KLHL35: variants seen among roughly 807,000 people sequenced by gnomAD.
KLHL35 encodes the protein kelch like family member 35.
A neutral mutation model predicts 44.0 loss-of-function variants in KLHL35; 50 were observed. The ratio of observed to expected loss-of-function variants is 1.14; its 90% CI spans 0.91 to 1.44. KLHL35 has a LOEUF of 1.44. Among genes scored for constraint, KLHL35 ranks in the 40% most tolerant of loss-of-function variants. The probability of loss-of-function intolerance (pLI) is 0.00; values close to 1 mark genes in which losing one functional copy is unlikely to be tolerated. For synonymous variants in KLHL35, 470 were observed against 410.4 expected (o/e 1.15, Z -1.76); for missense variants, 1,049 against 887.8 (o/e 1.18, Z -2.31).
chr11:75,428,685 C>G (rs1346933228), intron 2 of KLHL35, 59 bp from the exon 3 acceptor site: 11 of 1,429,632 alleles, frequency 7.7e-6, no homozygotes, highest in Non-Finnish European at 1.0e-5. Flanking sequence ...CCCTCTCTTA[C>G]CCTCTCGACC....
At chr11:75,425,081 A>C (rs1423399100) in intron 5 of KLHL35, among the ~76,000 whole-genome samples, 1 of 151,972 alleles carries the variant, frequency 6.6e-6, no homozygotes, top group African/African-American at 2.4e-5. Context: ...CTAAATTTTC[A>C]GTAGTAAGTG....
chr11:75,428,736 T>A, intron 2 of KLHL35, 110 bp from the exon 3 acceptor site: 2 of 978,040 alleles, frequency 2.0e-6, no homozygotes, highest in Non-Finnish European at 2.9e-6. Context: ...GTTTCTGCCA[T>A]CACCCCCGCC....
intron 2 of KLHL35, 40 bp from the exon 3 acceptor site, chr11:75,428,666 CAAG>C: frequency 6.6e-7 from 1 of 1,510,308 alleles, no homozygotes; most frequent in Non-Finnish European, 8.9e-7. Context: ...GGGCCGCACC[CAAG>C]TTCGGCCCTC....
chr11:75,427,767 C>G (rs930978713), intron 3 of KLHL35, among the ~76,000 whole-genome samples: 4 of 152,204 alleles, frequency 2.6e-5, no homozygotes, highest in African/African-American at 9.7e-5. Flanking sequence ...GCCCTTGTGC[C>G]TTTGCCCATA....
chr11:75,430,604 T>G lies in KLHL35; in HGVS notation c.26A>C (p.Glu9Ala), dbSNP rs2135085753. ...CGGCGCTTCGCAGCCCGGCTCCGAC[T>G]CCTCCGGCGCATGGCCTTGCCGCAT... MRQGHAPE[E>A]SEPGCEAPCA... is the part of the protein sequence containing the mutation. Residue 9 changes from glutamate to alanine, a missense_variant, in exon 2 of 7, where the codon GAG (glutamate) becomes GCG (alanine). Coordinates refer to ENST00000539798, the MANE Select transcript of KLHL35 (RefSeq NM_001039548.3). 2 of 1,411,706 alleles carry G rather than the reference T, an allele frequency of 1.4e-6. No homozygotes were observed. The highest frequency in any genetic ancestry group is 3.0e-5 in the African/African-American group (2 of 66,512). The allele number at this position is 1,411,706 out of a possible 1,614,324, so 87.4% of individuals were successfully genotyped here. A position where few individuals can be genotyped will look rare whatever the true frequency, so the allele number is the denominator to read the frequency against.
chr11:75,430,931 G>C (rs2135086056), intron 1 of KLHL35, among the ~76,000 whole-genome samples: 1 of 152,338 alleles, frequency 6.6e-6, no homozygotes, highest in Non-Finnish European at 1.5e-5. Context: ...TCGGAGGAGG[G>C]TCTAATAAAG....
chr11:75,430,090 C>G lies in KLHL35; in HGVS notation c.540G>C (p.Gln180His), dbSNP rs567545451. 7.4e-7 allele frequency: 1 copy of G among 1,357,336 alleles called. No individual in the cohort carries two copies. Among genetic ancestry groups the G allele is most frequent in the African/African-American group, 1.5e-5 (1 of 65,016 alleles). 84.1% of individuals were successfully genotyped at this position (1,357,336 alleles called of 1,614,324 possible). Residue 180 changes from glutamine to histidine, a missense_variant, in exon 2 of 7, where the codon CAG (glutamine) becomes CAC (histidine). Physicochemically the swap from Gln to His is conservative, Grantham distance 24. Transcript: ENST00000539798. ...LAERCGRVLR[Q>H]AFAEVARHAD... is the part of the protein sequence containing the mutation. ...CGTGGCGCGCCACCTCGGCGAAGGC[C>G]TGACGCAGGACGCGGCCGCAGCGCT...
At chr11:75,428,372 A>C (rs1363297664) in intron 3 of KLHL35, 70 bp downstream of exon 3, 15 of 1,548,720 alleles carry the variant, frequency 9.7e-6, no homozygotes, top group Non-Finnish European at 1.3e-5. Flanking sequence ...TGGAGGGAAA[A>C]GCAAAGGGGG....
chr11:75,430,368 C>T lies in KLHL35; in HGVS notation c.262G>A (p.Ala88Thr). The T allele has an allele frequency of 1.5e-6, 2 of 1,348,882 alleles. No homozygotes were observed. The highest frequency in any genetic ancestry group is 1.6e-5 in the South Asian group (1 of 61,616). 83.6% of individuals were successfully genotyped at this position (1,348,882 alleles called of 1,614,324 possible). A position where few individuals can be genotyped will look rare whatever the true frequency, so the allele number is the denominator to read the frequency against. ...GGGCTCGTGCCTGGCGCCTCGGGAG[C>T]TACTGGCACCACTGGCACCACGGCC... ...GPAVVPVVPV[A>T]PEAPGTSPAG... The change falls in exon 2 of 7, where the codon GCT becomes ACT. Residue 88 changes from alanine to threonine, a missense_variant. Coordinates refer to ENST00000539798, the MANE Select transcript of KLHL35 (RefSeq NM_001039548.3).
In KLHL35 at chr11:75,429,766, C is replaced by T. The variant is rs779648386; in HGVS notation, c.864G>A (p.Leu288=). The change falls in exon 2 of 7, where the codon CTG becomes CTA. Residue 288 remains leucine (L), a synonymous_variant. Coordinates refer to ENST00000539798, the MANE Select transcript of KLHL35 (RefSeq NM_001039548.3). ...CFILGREAGA[L]RTRPRRFMDL... ...GGCCCTACCTCCGCGGCCGGGTCCG[C>T]AGCGCACCGGCCTCGCGGCCCAGGA... 83 of 1,488,960 alleles carry T rather than the reference C, an allele frequency of 5.6e-5. No homozygotes were observed. The highest frequency in any genetic ancestry group is 6.8e-5 in the Admixed American group (3 of 44,156). The allele number at this position is 1,488,960 out of a possible 1,614,324, so 92.2% of individuals were successfully genotyped here.
At chr11:75,432,804 G>A (rs1159356722) in intron 1 of KLHL35, among the ~76,000 whole-genome samples, 2 of 152,144 alleles carry the variant, frequency 1.3e-5, no homozygotes, top group Non-Finnish European at 2.9e-5. Context: ...GGCTCAATGG[G>A]TATCCTCCCT....
Position 75,422,785 on chromosome 11 carries a change from A to G in KLHL35, c.1564-17T>C. 6.2e-7 allele frequency: 1 copy of G among 1,605,116 alleles called. No homozygotes were observed. The highest frequency in any genetic ancestry group is 8.5e-7 in the Non-Finnish European group (1 of 1,172,530). On this transcript the variant is annotated splice_polypyrimidine_tract_variant and intron_variant, in intron 6 of 6. Coordinates refer to ENST00000539798, the MANE Select transcript of KLHL35 (RefSeq NM_001039548.3). ...ACAGCTTTCCTGGGTGGACAAACAG[A>G]AAGACAACTATCAGGTCCAGCCTGG...
intron 2 of KLHL35, among the ~76,000 whole-genome samples, 187 bp downstream of exon 2, chr11:75,429,562 C>G (rs1948516214): frequency 6.6e-6 from 1 of 152,264 alleles, no homozygotes; most frequent in South Asian, 2.1e-4. Flanking sequence ...GCTGTGGGGT[C>G]TCTGCATCTC....
rs374012870 is a variant in KLHL35 at position 75,422,537 on chromosome 11, C to T, written c.*43G>A. The T allele has an allele frequency of 8.8e-5, 140 of 1,585,144 alleles. No homozygotes were observed. The highest frequency in any genetic ancestry group is 2.4e-4 in the African/African-American group (18 of 74,526). On this transcript the variant is annotated 3_prime_UTR_variant, in exon 7 of 7. Transcript: ENST00000539798. ...GGGAGCAGAGTGTGCATCTGAGCTC[C>T]GCCTGCCTCTCCGCCTCCTGGCTCA...
rs759765416 is a variant in KLHL35 at position 75,430,649 on chromosome 11, A to G, written c.-1-19T>C. The stretch of plus-strand genomic sequence containing the variant: ...CCGCATCCTGCCGGGGAGAGAACAC[A>G]AACAGCGTCGGGGAAGCCACCTGGC... On this transcript the variant is annotated intron_variant, in intron 1 of 6. Transcript: ENST00000539798. 3.0e-6 allele frequency: 4 copies of G among 1,337,314 alleles called. No individual in the cohort carries two copies. Among genetic ancestry groups the G allele is most frequent in the Middle Eastern group, 2.4e-4 (1 of 4,170 alleles). 82.8% of individuals were successfully genotyped at this position (1,337,314 alleles called of 1,614,324 possible). A position where few individuals can be genotyped will look rare whatever the true frequency, so the allele number is the denominator to read the frequency against.
At chr11:75,427,509 C>T (rs11236428) in intron 3 of KLHL35, among the ~76,000 whole-genome samples, 2 of 152,380 alleles carry the variant, frequency 1.3e-5, no homozygotes, top group East Asian at 1.9e-4. Flanking sequence ...CCACATGTTG[C>T]TCAGAGCCAT....
Position 75,430,181 on chromosome 11 carries a change from A to C in KLHL35, c.449T>G (p.Leu150Arg). Residue 150 changes from leucine (L) to arginine (R), a missense_variant, in exon 2 of 7, where the codon CTG becomes CGG. Transcript: ENST00000539798. Reference sequence around the variant, plus strand: ...CAGCGCTAGGCTGTTGGCGGCGCGCAGGCGGCCCTCGAGAAAGCGCACGCA... The same window carrying C: ...CAGCGCTAGGCTGTTGGCGGCGCGCCGGCGGCCCTCGAGAAAGCGCACGCA... ...EACVRFLEGR[L>R]RAANSLALRR... is the part of the protein sequence containing the mutation. 1.6e-6 allele frequency: 2 copies of C among 1,230,386 alleles called. No homozygotes were observed. The highest frequency in any genetic ancestry group is 2.0e-6 in the Non-Finnish European group (2 of 985,914). 76.2% of individuals were successfully genotyped at this position (1,230,386 alleles called of 1,614,324 possible). A position where few individuals can be genotyped will look rare whatever the true frequency, so the allele number is the denominator to read the frequency against.
At chr11:75,429,476 G>A (rs1408979252) in intron 2 of KLHL35, among the ~76,000 whole-genome samples, 1 of 152,148 alleles carries the variant, frequency 6.6e-6, no homozygotes, top group African/African-American at 2.4e-5. Flanking sequence ...TCCGCATCCC[G>A]GCACCCTGCA....
Position 75,430,637 on chromosome 11 carries a change from G to A in KLHL35, c.-1-7C>T. 1 of 1,365,148 alleles carries A rather than the reference G, an allele frequency of 7.3e-7. No homozygotes were observed. 84.6% of individuals were successfully genotyped at this position (1,365,148 alleles called of 1,614,324 possible). A position where few individuals can be genotyped will look rare whatever the true frequency, so the allele number is the denominator to read the frequency against. On this transcript the variant is annotated splice_polypyrimidine_tract_variant and splice_region_variant and intron_variant, in intron 1 of 6. Transcript: ENST00000539798. ...CGCATGGCCTTGCCGCATCCTGCCG[G>A]GGAGAGAACACAAACAGCGTCGGGG... is the stretch of plus-strand genomic sequence containing the variant.
Sources: allele counts gnomAD v4.1 joint callset (sites outside exome capture counted in the v4.1 genomes callset), GRCh38; gene constraint gnomAD v4.1.1; transcripts MANE v1.5; gene names NCBI Gene and HGNC (gene_info 2026-07-23, HGNC 2026-07-21).